Variants in COL24A1 observed in about 807,000 individuals in gnomAD.
COL24A1 encodes collagen alpha-1(XXIV) chain.
In COL24A1, 224 loss-of-function variants were observed where a neutral mutation model predicts 253.9. The observed-to-expected ratio is 0.88, with a 90% CI of 0.79 to 0.99. The LOEUF is 0.99. COL24A1 is among the 50% of genes least tolerant of loss of function. The pLI is 0.00. For synonymous variants in COL24A1, 685 were observed against 673.7 expected, an observed-to-expected ratio of 1.02 and a Z score of -0.26; for missense variants, 2,131 against 2,068.5, an observed-to-expected ratio of 1.03 and a Z score of -0.59.
At chr1:85,883,739 C>T (rs1320320513) in intron 32 of COL24A1, 1 of 152,052 alleles carries the variant, frequency 6.6e-6, no homozygotes, top group African/African-American at 2.4e-5. Context: ...CAGTCCTGAC[C>T]CTGTTTAGCA....
At chr1:86,152,401 A>C (rs916473578) in intron 1 of COL24A1, among the ~76,000 whole-genome samples, 1 of 152,252 alleles carries the variant, frequency 6.6e-6, no homozygotes, top group African/African-American at 2.4e-5. Context: ...TAAAAATATT[A>C]TATAAAATTA....
chr1:85,874,846 A>C, intron 34 of COL24A1, 144 bp from the exon 35 acceptor site: 1 of 728,296 alleles, frequency 1.4e-6, no homozygotes, highest in Non-Finnish European at 2.3e-6. Flanking sequence ...GGGCTGCAAA[A>C]CAGCAGGTGA....
intron 24 of COL24A1, among the ~76,000 whole-genome samples, chr1:85,942,220 C>T (rs1338927094): frequency 1.3e-5 from 2 of 152,172 alleles, no homozygotes; most frequent in African/African-American, 2.4e-5. Context: ...ACACATATGA[C>T]ATTTTTAGAG....
intron 3 of COL24A1, among the ~76,000 whole-genome samples, chr1:86,118,100 T>G (rs2102208523): frequency 6.6e-6 from 1 of 151,664 alleles, no homozygotes; most frequent in East Asian, 1.9e-4. Context: ...TCTCACTCTG[T>G]CACCTAGGCT....
intron 33 of COL24A1, among the ~76,000 whole-genome samples, chr1:85,875,978 A>G (rs1257104347): frequency 6.6e-6 from 1 of 152,038 alleles, no homozygotes; most frequent in Non-Finnish European, 1.5e-5. Context: ...CCTTCCCTTT[A>G]GGGAAGAGAA....
At chr1:85,951,627 T>A (rs1237858777) in intron 24 of COL24A1, among the ~76,000 whole-genome samples, 2 of 152,186 alleles carry the variant, frequency 1.3e-5, no homozygotes, top group African/African-American at 2.4e-5. Context: ...TTTTACAATT[T>A]ATATTCTTAA....
intron 19 of COL24A1, among the ~76,000 whole-genome samples, chr1:86,003,058 A>G (rs1695590056): frequency 6.6e-6 from 1 of 152,162 alleles, no homozygotes; most frequent in African/African-American, 2.4e-5. Flanking sequence ...TGGAGGTATT[A>G]TGGTGGGAGA....
intron 28 of COL24A1, 78 bp from the exon 29 acceptor site, chr1:85,896,487 T>C: frequency 8.1e-7 from 1 of 1,227,904 alleles, no homozygotes; most frequent in Non-Finnish European, 1.2e-6. Flanking sequence ...TCCTCACAGA[T>C]GAACATGTTG....
intron 12 of COL24A1, among the ~76,000 whole-genome samples, chr1:86,043,704 TTTTAGTA>T (rs1240510455): frequency 6.6e-6 from 1 of 152,068 alleles, no homozygotes; most frequent in Non-Finnish European, 1.5e-5. Context: ...ATTTTTGTAT[TTTTAGTA>T]GAGACAGGGT....
chr1:85,849,481 A>G, intron 37 of COL24A1, 75 bp from the exon 38 acceptor site: 1 of 1,069,176 alleles, frequency 9.4e-7, no homozygotes, highest in Non-Finnish European at 1.4e-6. Context: ...TACTTCTATC[A>G]GATAATCACT....
chr1:86,133,213 C>T (rs529919257), intron 2 of COL24A1, among the ~76,000 whole-genome samples: 7 of 152,072 alleles, frequency 4.6e-5, no homozygotes, highest in East Asian at 1.9e-4. Context: ...TATCCTGAGA[C>T]TTTGCTGAAG....
intron 7 of COL24A1, among the ~76,000 whole-genome samples, chr1:86,068,899 G>C (rs993487972): frequency 1.3e-4 from 20 of 152,218 alleles, no homozygotes; most frequent in African/African-American, 4.6e-4. Context: ...TGCTTTGAAG[G>C]GAAGGGTCTA....
intron 20 of COL24A1, among the ~76,000 whole-genome samples, chr1:85,985,497 CAA>C (rs1558900372): frequency 6.6e-6 from 1 of 151,680 alleles, no homozygotes. Flanking sequence ...AGGATTTAAG[CAA>C]AAGAGTGACA....
intron 57 of COL24A1, among the ~76,000 whole-genome samples, chr1:85,744,280 A>T (rs1031541878): frequency 3.9e-5 from 6 of 152,174 alleles, no homozygotes; most frequent in South Asian, 2.1e-4. Flanking sequence ...TTTTGTATTA[A>T]AAAAAACCCA....
At chr1:86,068,347 A>G (rs1318715349) in intron 7 of COL24A1, among the ~76,000 whole-genome samples, 1 of 152,102 alleles carries the variant, frequency 6.6e-6, no homozygotes, top group Non-Finnish European at 1.5e-5. Flanking sequence ...GAATCTGTGC[A>G]CTCTAGGAAG....
At chr1:85,989,960 G>T (rs1263564193) in intron 19 of COL24A1, among the ~76,000 whole-genome samples, 2 of 152,046 alleles carry the variant, frequency 1.3e-5, no homozygotes, top group Admixed American at 1.3e-4. Context: ...TAGTGTTTTG[G>T]CTTGTTTTGT....
chr1:85,783,267 T>A (rs1669320139), intron 51 of COL24A1, among the ~76,000 whole-genome samples: 1 of 98,540 alleles, frequency 1.0e-5, no homozygotes, highest in African/African-American at 3.0e-5. Context: ...TGATGATTCT[T>A]TTTTTTTTTT....
At chr1:85,945,020 T>TTTTTTTG (rs1689184102) in intron 24 of COL24A1, among the ~76,000 whole-genome samples, 2 of 91,622 alleles carry the variant, frequency 2.2e-5, no homozygotes, top group South Asian at 4.8e-4. Context: ...TTTTTTTTTT[T>TTTTTTTG]TTTTTTTTTT....
At chr1:86,046,983 T>A (rs1699956369) in intron 11 of COL24A1, 114 bp from the exon 12 acceptor site, 1 of 720,482 alleles carries the variant, frequency 1.4e-6, no homozygotes, top group Admixed American at 2.3e-5. Flanking sequence ...AACAAATTGT[T>A]CTATAAACTG....
Sources: gnomAD v4.1 joint callset for allele counts (sites outside exome capture counted in the v4.1 genomes callset) on GRCh38, gnomAD v4.1.1 for gene constraint, MANE v1.5 for transcripts, NCBI Gene and HGNC (gene_info 2026-07-23, HGNC 2026-07-21) for gene names.